Variants in SDK1 observed in about 807,000 individuals in gnomAD.
SDK1 encodes protein sidekick-1.
In SDK1, 157 loss-of-function variants were observed where a neutral mutation model predicts 245.5. That is an observed-to-expected ratio of 0.64 (90% CI 0.56 to 0.73). The LOEUF is 0.73. Ranked by LOEUF, SDK1 falls within the 30% of genes least tolerant of loss-of-function variation. The pLI, the probability that SDK1 is intolerant of heterozygous loss-of-function variation, is 0.00. For synonymous variants in SDK1, 1,647 were observed against 1,278.5 expected (o/e 1.29, Z -6.15); for missense variants, 3,583 against 3,002.3 (o/e 1.19, Z -4.52).
intron 5 of SDK1, 90 bp from the exon 6 acceptor site, chr7:3,950,833 C>T (rs551982706): frequency 4.8e-5 from 45 of 930,386 alleles, no homozygotes; most frequent in Middle Eastern, 2.7e-4. Context: ...TAGGTATCCC[C>T]GGGGGTCTTG....
chr7:3,421,421 C>G (rs1195112017), intron 1 of SDK1, among the ~76,000 whole-genome samples: 1 of 152,080 alleles, frequency 6.6e-6, no homozygotes, highest in African/African-American at 2.4e-5. Context: ...TCATTTGTCA[C>G]TAAATAATTA....
intron 4 of SDK1, among the ~76,000 whole-genome samples, chr7:3,775,351 C>A (rs976962207): frequency 1.3e-5 from 2 of 152,114 alleles, no homozygotes; most frequent in Non-Finnish European, 2.9e-5. Flanking sequence ...CAACCTAATA[C>A]TTTACATTTT....
intron 4 of SDK1, among the ~76,000 whole-genome samples, chr7:3,690,196 C>T (rs763869821): frequency 6.6e-6 from 1 of 152,158 alleles, no homozygotes; most frequent in Non-Finnish European, 1.5e-5. Flanking sequence ...TCACCTACCT[C>T]ATCACGACGC....
chr7:4,175,874 C>A, intron 34 of SDK1, 40 bp downstream of exon 34: 1 of 1,571,372 alleles, frequency 6.4e-7, no homozygotes, highest in Non-Finnish European at 8.7e-7. Flanking sequence ...CCGCGAGGCG[C>A]ACACACTGTG....
At chr7:3,952,016 T>C in intron 7 of SDK1, 96 bp downstream of exon 7, 1 of 1,123,700 alleles carries the variant, frequency 8.9e-7, no homozygotes, top group Non-Finnish European at 1.3e-6. Flanking sequence ...TCAGTGGCTT[T>C]ATTTGTAACT....
chr7:4,238,096 T>C (rs1786293414), intron 42 of SDK1, among the ~76,000 whole-genome samples: 1 of 152,056 alleles, frequency 6.6e-6, no homozygotes, highest in Non-Finnish European at 1.5e-5. Context: ...TTGCTTTTTT[T>C]TTTTTTACAG....
Position 4,113,273 on chromosome 7 carries a change from G to T in SDK1, c.3435-16G>T, listed in dbSNP as rs761874492. The T allele has an allele frequency of 1.2e-6, 2 of 1,610,670 alleles. No homozygotes were observed. The highest frequency in any genetic ancestry group is 1.7e-6 in the Non-Finnish European group (2 of 1,178,276). On this transcript the variant is annotated splice_polypyrimidine_tract_variant and intron_variant, in intron 23 of 44. Coordinates refer to ENST00000404826, the MANE Select transcript of SDK1 (RefSeq NM_152744.4). ...CTTTGCTTTGCCGTGACTCTCATCA[G>T]TGGTTTTTCCTTTAGATTTCGAATG...
chr7:3,614,011 G>T (rs970461962), intron 1 of SDK1, among the ~76,000 whole-genome samples: 3 of 152,136 alleles, frequency 2.0e-5, no homozygotes, highest in Non-Finnish European at 4.4e-5. Context: ...ATCAGGAAGA[G>T]TAACAATGGA....
intron 32 of SDK1, among the ~76,000 whole-genome samples, chr7:4,171,284 T>C (rs1022596271): frequency 2.0e-5 from 3 of 152,214 alleles, no homozygotes; most frequent in Non-Finnish European, 4.4e-5. Flanking sequence ...TGGCTCACTT[T>C]CTGCTTTGTT....
intron 17 of SDK1, among the ~76,000 whole-genome samples, chr7:4,033,632 T>G (rs370563703): frequency 2.6e-5 from 4 of 151,926 alleles, no homozygotes; most frequent in African/African-American, 9.7e-5. Flanking sequence ...AGAAGAAAAT[T>G]AGAAGAAAAA....
chr7:4,100,335 G>T (rs929720488), intron 22 of SDK1, among the ~76,000 whole-genome samples: 2 of 152,170 alleles, frequency 1.3e-5, no homozygotes, highest in African/African-American at 4.8e-5. Flanking sequence ...TGAAGGAGCT[G>T]GTTCCTTCAG....
At chr7:3,672,843 A>G (rs1783761009) in intron 4 of SDK1, among the ~76,000 whole-genome samples, 1 of 135,706 alleles carries the variant, frequency 7.4e-6, no homozygotes, top group Non-Finnish European at 1.6e-5. Context: ...TTTTGCCAAA[A>G]TAGGCACCTA....
At chr7:3,960,546 C>G (rs1781593398) in intron 8 of SDK1, among the ~76,000 whole-genome samples, 1 of 152,206 alleles carries the variant, frequency 6.6e-6, no homozygotes, top group Admixed American at 6.5e-5. Flanking sequence ...CCTTCCAGTC[C>G]TGGTGGTAGA....
At chr7:3,565,540 T>C (rs148272324) in intron 1 of SDK1, among the ~76,000 whole-genome samples, 6 of 152,338 alleles carry the variant, frequency 3.9e-5, no homozygotes, top group Admixed American at 6.5e-5. Flanking sequence ...TAACAGAATT[T>C]AGTAAACTGA....
Position 4,132,422 on chromosome 7 carries a change from G to C in SDK1, c.4227G>C (p.Leu1409=). The change falls in exon 28 of 45, where the codon CTG becomes CTC. Residue 1409 remains leucine, a splice_region_variant and synonymous_variant. Transcript: ENST00000404826. The part of the protein sequence containing the change: ...QPPEEPNGII[L]GYQIAYRLAS... ...CGGAGGAGCCCAACGGCATCATCCT[G>C]GGTAAGGGAGCGGCGGTGGCCGGGC... is the stretch of plus-strand genomic sequence containing the variant. 6.2e-7 allele frequency: 1 copy of C among 1,607,142 alleles called. No homozygotes were observed. The highest frequency in any genetic ancestry group is 1.1e-5 in the South Asian group (1 of 90,576).
At chr7:4,226,649 A>G (rs1301590558) in intron 40 of SDK1, among the ~76,000 whole-genome samples, 1 of 152,180 alleles carries the variant, frequency 6.6e-6, no homozygotes, top group Non-Finnish European at 1.5e-5. Context: ...TTCCACCAGC[A>G]TGGCCTGGCC....
intron 4 of SDK1, among the ~76,000 whole-genome samples, chr7:3,820,807 G>A (rs1184197047): frequency 6.6e-6 from 1 of 152,174 alleles, no homozygotes; most frequent in Non-Finnish European, 1.5e-5. Flanking sequence ...AGTAGAATCA[G>A]GATGAATGAG....
At chr7:3,949,123 G>T (rs774998910) in intron 5 of SDK1, among the ~76,000 whole-genome samples, 2 of 152,168 alleles carry the variant, frequency 1.3e-5, no homozygotes, top group Non-Finnish European at 2.9e-5. Flanking sequence ...AAGCGAAGGC[G>T]TCAGCAGGAA....
chr7:4,077,094 C>T lies in SDK1; in HGVS notation c.3107C>T (p.Ser1036Leu), dbSNP rs781675538. The T allele has an allele frequency of 1.2e-6, 2 of 1,614,112 alleles. No individual in the cohort carries two copies. The highest frequency in any genetic ancestry group is 1.1e-5 in the South Asian group (1 of 91,092). Residue 1036 changes from serine to leucine, a missense_variant, in exon 21 of 45, where the codon TCA becomes TTA. By Grantham distance (145) the Ser-to-Leu change is moderately radical. Coordinates refer to ENST00000404826, the MANE Select transcript of SDK1 (RefSeq NM_152744.4). ...TTHEYKIQGL[S>L]SLTTYTIDVA... ...CACGAGTACAAGATCCAAGGCCTCT[C>T]ATCTCTCACCACCTACACCATCGAC...
Sources: gnomAD v4.1 joint callset for allele counts (sites outside exome capture counted in the v4.1 genomes callset) on GRCh38, gnomAD v4.1.1 for gene constraint, MANE v1.5 for transcripts, NCBI Gene and HGNC (gene_info 2026-07-23, HGNC 2026-07-21) for gene names.